Variants in RBM47 observed in about 807,000 individuals in gnomAD.
The protein encoded by RBM47 is RNA-binding protein 47.
Under a neutral mutation model 47.1 loss-of-function variants are expected in RBM47, and 21 were observed. The ratio of observed to expected loss-of-function variants is 0.45; its 90% CI spans 0.32 to 0.64. RBM47 has a LOEUF of 0.64. RBM47 is among the 30% of genes least tolerant of loss of function. The pLI is 0.05. For synonymous variants in RBM47, 375 were observed against 361.7 expected (o/e 1.04, Z -0.42); for missense variants, 708 against 870.9 (o/e 0.81, Z 2.35).
At chr4:40,458,942 C>T (rs529462334) in intron 3 of RBM47, among the ~76,000 whole-genome samples, 13 of 152,228 alleles carry the variant, frequency 8.5e-5, no homozygotes, top group East Asian at 1.9e-4. Flanking sequence ...TAGGAACCTG[C>T]GTCATCCTGT....
chr4:40,571,563 T>C (rs1731712468), intron 1 of RBM47, among the ~76,000 whole-genome samples: 1 of 152,084 alleles, frequency 6.6e-6, no homozygotes, highest in Admixed American at 6.5e-5. Context: ...TTCTGACTCA[T>C]GATCCAAAAA....
At chr4:40,580,469 C>T (rs902328496) in intron 1 of RBM47, among the ~76,000 whole-genome samples, 2 of 49,700 alleles carry the variant, frequency 4.0e-5, no homozygotes, top group African/African-American at 1.0e-4. Flanking sequence ...ACCTCAGGCA[C>T]GTGGGAAGGC....
intron 3 of RBM47, among the ~76,000 whole-genome samples, chr4:40,450,000 C>T (rs377036858): frequency 1.3e-5 from 2 of 152,094 alleles, no homozygotes; most frequent in South Asian, 2.1e-4. Context: ...TTTAAATAAG[C>T]ATTACTTACA....
chr4:40,584,810 C>A (rs760794437), intron 1 of RBM47, among the ~76,000 whole-genome samples: 1 of 152,176 alleles, frequency 6.6e-6, no homozygotes, highest in African/African-American at 2.4e-5. Flanking sequence ...AGCCACATTT[C>A]AAGAGCCACA....
rs537734098 is a variant in RBM47 at position 40,571,531 on chromosome 4, A to G, written c.-239-27025T>C. Among the ~76,000 whole-genome samples, 10 of 152,216 alleles carry G rather than the reference A, an allele frequency of 6.6e-5. No homozygotes were observed. The South Asian group carries it at 2.1e-3, about 32-fold the overall frequency. On this transcript the variant is annotated intron_variant, in intron 1 of 6. Transcript: ENST00000295971. ...AAGAAAACATAGGAGAATCTTTTAT[A>G]ATCTGAAATGAGACCTTTCTATTCT... is the stretch of plus-strand genomic sequence containing the variant.
chr4:40,470,200 G>A (rs781571947), intron 2 of RBM47, among the ~76,000 whole-genome samples: 6 of 152,072 alleles, frequency 3.9e-5, no homozygotes, highest in Admixed American at 1.3e-4. Context: ...CATTAATGGC[G>A]TTAATTCATT....
At chr4:40,448,409 T>C (rs1714892570) in intron 3 of RBM47, among the ~76,000 whole-genome samples, 1 of 152,176 alleles carries the variant, frequency 6.6e-6, no homozygotes. Flanking sequence ...TGGGGTACAG[T>C]GTCTTCCAAT....
chr4:40,519,057 C>T (rs1054972739), intron 2 of RBM47, among the ~76,000 whole-genome samples: 3 of 151,578 alleles, frequency 2.0e-5, no homozygotes, highest in African/African-American at 7.3e-5. Context: ...AAAAATGATC[C>T]AGGCATGGTG....
chr4:40,630,783 TTATAC>T (rs1002199177), upstream of RBM47: 2 of 152,112 alleles, frequency 1.3e-5, no homozygotes, highest in African/African-American at 4.8e-5. Flanking sequence ...CCTTACCTGT[TTATAC>T]AAGAGTTAAG....
intron 1 of RBM47, among the ~76,000 whole-genome samples, chr4:40,625,202 C>G (rs1175611107): frequency 6.6e-6 from 1 of 152,084 alleles, no homozygotes; most frequent in Admixed American, 6.5e-5. Flanking sequence ...TTGGAACCCT[C>G]GTTTTTGAAA....
At chr4:40,545,666 A>AAAATAAATAAATAAATAAATAAATAAAT (rs150331418) in intron 1 of RBM47, among the ~76,000 whole-genome samples, 4 of 133,604 alleles carry the variant, frequency 3.0e-5, no homozygotes, top group Non-Finnish European at 6.4e-5. Context: ...CTCCTTCTCA[A>AAAATAAATAAATAAATAAATAAATAAAT]AAATAAATAA....
intron 3 of RBM47, among the ~76,000 whole-genome samples, chr4:40,456,101 T>G (rs184122989): frequency 6.6e-6 from 1 of 152,350 alleles, no homozygotes; most frequent in African/African-American, 2.4e-5. Context: ...TCTTTTATAT[T>G]TTCTAATTAT....
chr4:40,628,664 A>G lies in RBM47; in HGVS notation c.-240+732T>C, dbSNP rs1737959769. Reference sequence around the variant, plus strand: ...TGAGTCATTAAAATACCACCAGATAAAAAAAAAAGGTTTGATTTTTAGTTC... The same window carrying G: ...TGAGTCATTAAAATACCACCAGATAGAAAAAAAAGGTTTGATTTTTAGTTC... On this transcript the variant is annotated intron_variant, in intron 1 of 6. Transcript: ENST00000295971. The surrounding 1 kb of genome is among the most constrained non-coding windows in gnomAD (Gnocchi z 4.0). 6.6e-6 allele frequency among the ~76,000 whole-genome samples: 1 copy of G among 150,888 alleles called. No homozygotes were observed. The highest frequency in any genetic ancestry group is 2.1e-4 in the South Asian group (1 of 4,772).
chr4:40,559,403 T>C (rs1030349338), intron 1 of RBM47, among the ~76,000 whole-genome samples: 7 of 152,204 alleles, frequency 4.6e-5, no homozygotes, highest in African/African-American at 1.7e-4. Context: ...GACATGGGTA[T>C]GCAAGCATCA....
chr4:40,508,772 C>T (rs761911512), intron 2 of RBM47, among the ~76,000 whole-genome samples: 1 of 152,224 alleles, frequency 6.6e-6, no homozygotes, highest in African/African-American at 2.4e-5. Context: ...GGTGGTTCCA[C>T]AGGTACATAC....
At chr4:40,541,529 G>A (rs1177065186) in intron 2 of RBM47, among the ~76,000 whole-genome samples, 1 of 152,128 alleles carries the variant, frequency 6.6e-6, no homozygotes, top group African/African-American at 2.4e-5. Flanking sequence ...CTGAGGTCAG[G>A]AGTTCGAGAC....
intron 1 of RBM47, among the ~76,000 whole-genome samples, chr4:40,599,658 C>T (rs906440658): frequency 1.3e-5 from 2 of 151,540 alleles, no homozygotes; most frequent in Non-Finnish European, 2.9e-5. Flanking sequence ...GGCCCTGAAA[C>T]GTTCCTGCCA....
In RBM47 at chr4:40,436,718, G is replaced by C. The variant is rs1712487003; in HGVS notation, c.1124-71C>G. The C allele has an allele frequency of 3.4e-6, 5 of 1,486,496 alleles. No homozygotes were observed. In the African/African-American group the frequency reaches 6.9e-5, roughly 21 times the overall value. 92.1% of individuals were successfully genotyped at this position (1,486,496 alleles called of 1,614,324 possible). ...TGCTGGAGGCAGACCTCAGCCCTCGGTTCTCGGCATTTAACTGCCCCAGTC... is the reference window on the plus strand; with the variant it reads ...TGCTGGAGGCAGACCTCAGCCCTCGCTTCTCGGCATTTAACTGCCCCAGTC... On this transcript the variant is annotated intron_variant, in intron 4 of 6. Transcript: ENST00000295971.
rs1204636075 is a variant in RBM47 at position 40,424,303 on chromosome 4, T to C, written c.*1601A>G. On this transcript the variant is annotated 3_prime_UTR_variant, in exon 7 of 7. Transcript: ENST00000295971. ...TACCTTATTGCACACCTCACTTCCT[T>C]GATTGAGCCTTTAAAAAACAATTCC... 6.6e-6 allele frequency: 1 copy of C among 152,646 alleles called. No individual in the cohort carries two copies. Among genetic ancestry groups the C allele is most frequent in the Non-Finnish European group, 1.5e-5 (1 of 68,032 alleles). 9.5% of individuals were successfully genotyped at this position (152,646 alleles called of 1,614,324 possible). A position where few individuals can be genotyped will look rare whatever the true frequency, so the allele number is the denominator to read the frequency against.
Sources: allele counts gnomAD v4.1 joint callset (sites outside exome capture counted in the v4.1 genomes callset), GRCh38; gene constraint gnomAD v4.1.1; non-coding constraint Gnocchi (gnomAD v3.1); transcripts MANE v1.5; gene names NCBI Gene and HGNC (gene_info 2026-07-23, HGNC 2026-07-21).